GON4L: variants seen among roughly 807,000 people sequenced by gnomAD.
GON4L encodes GON-4-like protein.
In GON4L, 87 loss-of-function variants were observed where a neutral mutation model predicts 211.8. That is an observed-to-expected ratio of 0.41 (90% CI 0.35 to 0.49). The LOEUF is 0.49. GON4L is among the 20% of genes least tolerant of loss of function. GON4L has a pLI of 0.15. For missense variants in GON4L, 2,155 were observed against 2,659.5 expected, an observed-to-expected ratio of 0.81 and a Z score of 4.17; for synonymous variants, 875 against 962.6, an observed-to-expected ratio of 0.91 and a Z score of 1.68.
intron 2 of GON4L, among the ~76,000 whole-genome samples, chr1:155,837,631 T>C (rs999600582): frequency 6.6e-5 from 10 of 151,126 alleles, no homozygotes; most frequent in East Asian, 1.9e-4. Flanking sequence ...TCTCTCTCTC[T>C]CCCCCACCAG....
intron 2 of GON4L, among the ~76,000 whole-genome samples, chr1:155,841,038 A>G (rs1362510896): frequency 6.6e-6 from 1 of 152,202 alleles, no homozygotes; most frequent in Non-Finnish European, 1.5e-5. Context: ...TCAGTCTCAA[A>G]AAAAAAGTAA....
intron 2 of GON4L, among the ~76,000 whole-genome samples, chr1:155,844,559 C>T (rs1274498768): frequency 6.6e-6 from 1 of 152,070 alleles, no homozygotes; most frequent in Non-Finnish European, 1.5e-5. Context: ...GAGTCAAGAC[C>T]AGCCCGGGCA....
intron 11 of GON4L, among the ~76,000 whole-genome samples, chr1:155,804,678 T>C (rs1312504145): frequency 6.7e-6 from 1 of 149,578 alleles, no homozygotes; most frequent in African/African-American, 2.5e-5. Flanking sequence ...AGCTACTCAG[T>C]GGGATAAGGG....
downstream of GON4L, chr1:155,747,833 A>C (rs754729923): frequency 8.1e-6 from 13 of 1,598,792 alleles, no homozygotes; most frequent in Admixed American, 5.1e-5. Context: ...AGCTGCTACA[A>C]GATGAATATT....
chr1:155,856,689 T>C (rs992640540), intron 1 of GON4L, among the ~76,000 whole-genome samples: 1 of 147,832 alleles, frequency 6.8e-6, no homozygotes, highest in Non-Finnish European at 1.5e-5. Flanking sequence ...GGTGACCTTA[T>C]AAGAAATAGA....
At chr1:155,818,402 G>A (rs1175883601) in intron 6 of GON4L, among the ~76,000 whole-genome samples, 1 of 152,108 alleles carries the variant, frequency 6.6e-6, no homozygotes, top group South Asian at 2.1e-4. Flanking sequence ...ATGAGCCACC[G>A]TGCCCAGCCA....
chr1:155,831,321 A>G (rs562030793), intron 2 of GON4L, among the ~76,000 whole-genome samples: 2 of 152,172 alleles, frequency 1.3e-5, no homozygotes, highest in African/African-American at 4.8e-5. Flanking sequence ...GTGTGGCTTC[A>G]TGCCTGTAAT....
chr1:155,773,520 A>C, intron 17 of GON4L: 1 of 310,184 alleles, frequency 3.2e-6, no homozygotes, highest in Non-Finnish European at 6.1e-6. Context: ...ATGCTCAAAA[A>C]TGTTTTACCT....
chr1:155,753,874 ATTT>A, intron 28 of GON4L: 3 of 188,332 alleles, frequency 1.6e-5, no homozygotes, highest in Non-Finnish European at 3.2e-5. Context: ...CAAGGATTTG[ATTT>A]TTTTTTTTTT....
chr1:155,774,304 T>C (rs1663532455), intron 17 of GON4L, among the ~76,000 whole-genome samples: 1 of 117,860 alleles, frequency 8.5e-6, no homozygotes, highest in African/African-American at 3.0e-5. Flanking sequence ...ATAAAGTTAG[T>C]TGATTTTTTT....
At chr1:155,814,884 G>A (rs760432465) in intron 8 of GON4L, among the ~76,000 whole-genome samples, 7 of 151,948 alleles carry the variant, frequency 4.6e-5, no homozygotes, top group Admixed American at 2.0e-4. Context: ...AGGCCGAGGC[G>A]GGTGGATCAC....
At chr1:155,774,761 C>T in intron 17 of GON4L, 8 of 600,058 alleles carry the variant, frequency 1.3e-5, no homozygotes, top group East Asian at 5.9e-5. Context: ...AGCCTCAGAT[C>T]TCTACCTCCC....
At chr1:155,845,245 C>A (rs1671123769) in intron 2 of GON4L, 1 of 166,788 alleles carries the variant, frequency 6.0e-6, no homozygotes, top group South Asian at 1.4e-4. Flanking sequence ...CAGTTACAAC[C>A]AAGATGGCAA....
At chr1:155,789,751 GTTCCAGGAGCCAAT>G (rs1665331959) in intron 12 of GON4L, among the ~76,000 whole-genome samples, 1 of 151,952 alleles carries the variant, frequency 6.6e-6, no homozygotes, top group Admixed American at 6.6e-5. Flanking sequence ...GTGGAGGTTG[GTTCCAGGAGCCAAT>G]CTCCTGGAAC....
intron 5 of GON4L, 34 bp from the exon 6 acceptor site, chr1:155,820,690 T>A (rs1249846751): frequency 6.6e-7 from 1 of 1,514,058 alleles, no homozygotes; most frequent in South Asian, 1.1e-5. Flanking sequence ...AAATCCTCAA[T>A]AAAAATCACA....
chr1:155,746,023 G>A (rs1473677581), downstream of GON4L: 21 of 811,994 alleles, frequency 2.6e-5, no homozygotes, highest in Non-Finnish European at 4.1e-5. Flanking sequence ...GCTGGGCCGA[G>A]CGACCGATTC....
At chr1:155,746,947 T>C (rs1660264467), downstream of GON4L, 3 of 1,601,684 alleles carry the variant, frequency 1.9e-6, no homozygotes, top group Non-Finnish European at 2.5e-6. Context: ...TAAACGGGGA[T>C]TTTAATCATT....
rs771371878 is a variant in GON4L, at chr1:155,773,088, C to G, written c.2473G>C (p.Val825Leu). 8.7e-6 allele frequency: 14 copies of G among 1,612,348 alleles called. No individual in the cohort carries two copies. Among genetic ancestry groups the G allele is most frequent in the East Asian group, 2.2e-5 (1 of 44,872 alleles). The change falls in exon 18 of 32, where the codon GTC becomes CTC. Residue 825 changes from valine to leucine, a missense_variant. Coordinates refer to ENST00000368331, the MANE Select transcript of GON4L (RefSeq NM_001282860.2). ...TACTTGTCCTCAGCCTTGGTGAAGA[C>G]GATCTTATCCTGGGGATTCTTTGCC... ...LKAKNPQDKI[V>L]FTKAEDNLLA...
chr1:155,820,032 G>A (rs1311504983), intron 6 of GON4L, among the ~76,000 whole-genome samples: 2 of 152,094 alleles, frequency 1.3e-5, no homozygotes, highest in African/African-American at 4.8e-5. Flanking sequence ...TTGTGCCTCA[G>A]CCTCCCAAGC....
Sources: gnomAD v4.1 joint callset for allele counts (sites outside exome capture counted in the v4.1 genomes callset) on GRCh38, gnomAD v4.1.1 for gene constraint, MANE v1.5 for transcripts, NCBI Gene and HGNC (gene_info 2026-07-23, HGNC 2026-07-21) for gene names.